Variants in CUX1 observed in about 807,000 individuals in gnomAD.
CUX1 encodes the protein protein CASP.
Under a neutral mutation model 158.8 loss-of-function variants are expected in CUX1, and 31 were observed. That is an observed-to-expected ratio of 0.20 (90% CI 0.15 to 0.26). The LOEUF (loss-of-function observed/expected upper bound fraction) is 0.26, where lower values mean the gene tolerates loss of function less well. Ranked by LOEUF, CUX1 falls within the 10% of genes least tolerant of loss-of-function variation. The pLI is 1.00. For missense variants in CUX1, 1,589 were observed against 2,014.6 expected (o/e 0.79, Z 4.04); for synonymous variants, 879 against 862.1 (o/e 1.02, Z -0.34).
chr7:102,034,767 A>T (rs1472325961), intron 3 of CUX1, among the ~76,000 whole-genome samples: 1 of 148,568 alleles, frequency 6.7e-6, no homozygotes. Context: ...AAAAAAAAAA[A>T]ATACAAAAAC....
At chr7:102,025,903 G>A (rs779933188) in intron 2 of CUX1, among the ~76,000 whole-genome samples, 10 of 152,108 alleles carry the variant, frequency 6.6e-5, no homozygotes, top group Non-Finnish European at 1.2e-4. Context: ...GTGGCCAGGT[G>A]CAGTGGTTCA....
chr7:101,865,320 T>C (rs971428854), intron 1 of CUX1, among the ~76,000 whole-genome samples: 4 of 152,242 alleles, frequency 2.6e-5, no homozygotes, highest in Non-Finnish European at 5.9e-5. Flanking sequence ...CCAGAACAAC[T>C]GTTTTTCTTC....
Position 102,253,429 on chromosome 7 carries a change from G to A in CUX1, c.*4387G>A. The A allele has an allele frequency of 1.0e-6, 1 of 985,482 alleles. No homozygotes were observed. Among genetic ancestry groups the A allele is most frequent in the Non-Finnish European group, 1.2e-6 (1 of 829,952 alleles). 61.0% of individuals were successfully genotyped at this position (985,482 alleles called of 1,614,324 possible). ...AAGAGAGGGGAACAGGAGTCCCCAG[G>A]TGAGCTCTCTGACGGGCAGGTGCCT... On this transcript the variant is annotated 3_prime_UTR_variant, in exon 24 of 24. Coordinates refer to ENST00000292535, the MANE Select transcript of CUX1 (RefSeq NM_181552.4).
intron 1 of CUX1, among the ~76,000 whole-genome samples, chr7:101,821,397 G>C (rs1397040669): frequency 1.3e-5 from 2 of 151,166 alleles, no homozygotes; most frequent in Non-Finnish European, 1.5e-5. Context: ...GGAGTGCAGA[G>C]GCACTATCTC....
At position 102,062,228 on chromosome 7, in the gene CUX1, T is replaced by A. The variant is rs542482224; in HGVS notation, c.190-8111T>A. ...GAAAGCACCCAGGGGGAAGTTGCTG[T>A]TACACCACAAGTCACGTGGCAGTGG... On this transcript the variant is annotated intron_variant, in intron 3 of 23. Transcript: ENST00000292535. 3.3e-5 allele frequency among the ~76,000 whole-genome samples: 5 copies of A among 152,312 alleles called. No homozygotes were observed. In the East Asian group the frequency reaches 7.7e-4, roughly 24 times the overall value.
intron 22 of CUX1, among the ~76,000 whole-genome samples, chr7:102,236,521 C>A (rs1260975892): frequency 6.6e-6 from 1 of 152,214 alleles, no homozygotes; most frequent in Non-Finnish European, 1.5e-5. Context: ...AGCAGTCCTC[C>A]CATCTCGGCC....
At position 102,250,769 on chromosome 7, in the gene CUX1, C is replaced by T. The variant is rs782642119; in HGVS notation, c.*1727C>T. 46 of 985,244 alleles carry T rather than the reference C, an allele frequency of 4.7e-5. 1 individual carries two copies. The highest frequency in any genetic ancestry group is 5.5e-5 in the Non-Finnish European group (46 of 829,942). 61.0% of individuals were successfully genotyped at this position (985,244 alleles called of 1,614,324 possible). A position where few individuals can be genotyped will look rare whatever the true frequency, so the allele number is the denominator to read the frequency against. Reference sequence around the variant, plus strand: ...ATGTGTATATGCGTGAGAATAGAGGCGGGTGAGAGTGTGCGTGCGTGTGCG... The same window carrying T: ...ATGTGTATATGCGTGAGAATAGAGGTGGGTGAGAGTGTGCGTGCGTGTGCG... On this transcript the variant is annotated 3_prime_UTR_variant, in exon 24 of 24. Coordinates refer to ENST00000292535, the MANE Select transcript of CUX1 (RefSeq NM_181552.4).
intron 19 of CUX1, chr7:102,280,778 T>C: frequency 6.2e-7 from 1 of 1,612,028 alleles, no homozygotes; most frequent in Non-Finnish European, 8.5e-7. Flanking sequence ...TTTGGGGTCC[T>C]TTCCTGACTG....
At chr7:101,972,768 T>G (rs1313971606) in intron 2 of CUX1, among the ~76,000 whole-genome samples, 1 of 152,068 alleles carries the variant, frequency 6.6e-6, no homozygotes, top group East Asian at 1.9e-4. Flanking sequence ...GAGAGGCCAC[T>G]CCTAGAGAAA....
intron 2 of CUX1, among the ~76,000 whole-genome samples, chr7:102,013,598 A>G (rs922878095): frequency 2.0e-5 from 3 of 152,266 alleles, no homozygotes; most frequent in East Asian, 1.9e-4. Context: ...ACAATTTTCC[A>G]TAGATCCAAG....
At chr7:101,972,384 A>C (rs1333480851) in intron 2 of CUX1, among the ~76,000 whole-genome samples, 1 of 152,232 alleles carries the variant, frequency 6.6e-6, no homozygotes, top group Non-Finnish European at 1.5e-5. Context: ...TAGTCTTTTT[A>C]GACACATACC....
intron 1 of CUX1, among the ~76,000 whole-genome samples, chr7:101,873,114 TC>T (rs1798752729): frequency 6.6e-6 from 1 of 151,136 alleles, no homozygotes; most frequent in Non-Finnish European, 1.5e-5. Flanking sequence ...CTTGTGATCC[TC>T]CCATCTAGGT....
intron 22 of CUX1, among the ~76,000 whole-genome samples, chr7:102,238,544 A>C (rs1799838413): frequency 6.6e-6 from 1 of 152,230 alleles, no homozygotes; most frequent in Non-Finnish European, 1.5e-5. Context: ...ATATAATCAT[A>C]TCTAAGATCT....
intron 3 of CUX1, among the ~76,000 whole-genome samples, chr7:102,034,728 G>A (rs2129346872): frequency 6.9e-6 from 1 of 144,532 alleles, no homozygotes; most frequent in East Asian, 2.0e-4. Flanking sequence ...ACTCCAGCCT[G>A]GTGACAGAGA....
At chr7:101,894,672 T>G (rs1477133588) in intron 1 of CUX1, among the ~76,000 whole-genome samples, 1 of 152,132 alleles carries the variant, frequency 6.6e-6, no homozygotes, top group African/African-American at 2.4e-5. Flanking sequence ...TACAAAGCAG[T>G]TTTTAGGCTT....
At chr7:101,889,429 A>G (rs1457804051) in intron 1 of CUX1, among the ~76,000 whole-genome samples, 1 of 151,954 alleles carries the variant, frequency 6.6e-6, no homozygotes, top group African/African-American at 2.4e-5. Context: ...GCTTTATGGG[A>G]TTCATAAAAT....
intron 3 of CUX1, among the ~76,000 whole-genome samples, chr7:102,062,157 T>C (rs149210807): frequency 8.5e-5 from 13 of 152,294 alleles, no homozygotes; most frequent in African/African-American, 2.9e-4. Flanking sequence ...TTACATACCA[T>C]TGGCCAAAGC....
At chr7:102,119,953 A>C (rs781948812) in intron 8 of CUX1, among the ~76,000 whole-genome samples, 8 of 152,176 alleles carry the variant, frequency 5.3e-5, no homozygotes, top group Non-Finnish European at 1.0e-4. Flanking sequence ...TAATAGCCTT[A>C]ACCTTGGAGA....
intron 2 of CUX1, among the ~76,000 whole-genome samples, chr7:101,991,524 C>T (rs1048933282): frequency 2.0e-5 from 3 of 152,024 alleles, no homozygotes; most frequent in African/African-American, 7.2e-5. Flanking sequence ...TTTGGGTGAC[C>T]GAGGGGGGTG....
Sources: allele counts gnomAD v4.1 joint callset (sites outside exome capture counted in the v4.1 genomes callset), GRCh38; gene constraint gnomAD v4.1.1; transcripts MANE v1.5; gene names NCBI Gene and HGNC (gene_info 2026-07-23, HGNC 2026-07-21).